The following SH3KBP1 variants were observed in gnomAD, a reference collection of about 807,000 sequenced individuals.
SH3KBP1 encodes SH3 domain-containing kinase-binding protein 1.
SH3KBP1 carries 8 observed loss-of-function variants against 50.1 expected under a neutral mutation model. That is an observed-to-expected ratio of 0.16 (90% CI 0.09 to 0.29). The LOEUF is 0.29. SH3KBP1 is among the 10% of genes least tolerant of loss of function. The pLI is 1.00. For missense variants in SH3KBP1, 377 were observed against 535.2 expected, an observed-to-expected ratio of 0.70 and a Z score of 2.92; for synonymous variants, 227 against 218.6, an observed-to-expected ratio of 1.04 and a Z score of -0.34.
rs1436027085 is a variant in SH3KBP1 at position 19,610,019 on chromosome X, C to T, written c.898-1974G>A. 2.7e-5 allele frequency among the ~76,000 whole-genome samples: 3 copies of T among 111,320 alleles called. No homozygotes were observed. The East Asian group carries it at 8.5e-4, about 31-fold the overall frequency. ...TATCTGTTACAAAGATAAGCTGACC[C>T]CTTAGGGTCTTCCTTAGGGAAGAGA... On this transcript the variant is annotated intron_variant, in intron 8 of 17. Transcript: ENST00000397821.
chrX:19,583,125 CATT>C (rs200762944), intron 12 of SH3KBP1, among the ~76,000 whole-genome samples: 6,041 of 95,056 alleles, frequency 0.064, 443 homozygotes, highest in African/African-American at 0.19. Flanking sequence ...TGCTAATACA[CATT>C]ATTATTATTA....
intron 2 of SH3KBP1, among the ~76,000 whole-genome samples, chrX:19,825,664 A>G (rs1249816117): frequency 8.9e-6 from 1 of 111,781 alleles, no homozygotes; most frequent in Non-Finnish European, 1.9e-5. Flanking sequence ...GCTTGAGACC[A>G]GGAATTTGAG....
At chrX:19,722,571 T>G (rs1182196358) in intron 3 of SH3KBP1, among the ~76,000 whole-genome samples, 2 of 21,194 alleles carry the variant, frequency 9.4e-5, no homozygotes, top group African/African-American at 1.7e-4. Flanking sequence ...TGCGCACTGG[T>G]GTGTGTGTGT....
At chrX:19,690,438 G>A (rs1042995197) in intron 5 of SH3KBP1, among the ~76,000 whole-genome samples, 1 of 111,470 alleles carries the variant, frequency 9.0e-6, no homozygotes, top group Non-Finnish European at 1.9e-5. Context: ...TTAGGAAAAT[G>A]AGAAATTCAA....
At chrX:19,837,733 G>A (rs965760617) in intron 1 of SH3KBP1, among the ~76,000 whole-genome samples, 1 of 110,736 alleles carries the variant, frequency 9.0e-6, no homozygotes, top group Admixed American at 9.7e-5. Flanking sequence ...GAGCCACCGT[G>A]CCCAGCCACC....
chrX:19,703,374 A>G (rs2063570345), intron 4 of SH3KBP1, among the ~76,000 whole-genome samples: 1 of 110,694 alleles, frequency 9.0e-6, no homozygotes, highest in Non-Finnish European at 1.9e-5. Flanking sequence ...ACTAAAGAAG[A>G]TAAGGGGTTG....
intron 12 of SH3KBP1, among the ~76,000 whole-genome samples, chrX:19,576,966 G>A (rs991069452): frequency 1.8e-5 from 2 of 112,063 alleles, no homozygotes; most frequent in Non-Finnish European, 3.8e-5. Flanking sequence ...CCCAACATGG[G>A]ATGACTCAGA....
chrX:19,676,356 G>C (rs73459674), intron 6 of SH3KBP1, among the ~76,000 whole-genome samples: 2,465 of 109,816 alleles, frequency 0.022, 79 homozygotes, highest in African/African-American at 0.078. Context: ...CTACCTGGGT[G>C]GGGGCTGGGT....
chrX:19,694,982 T>C, intron 5 of SH3KBP1: 5 of 1,190,533 alleles, frequency 4.2e-6, no homozygotes, highest in Non-Finnish European at 5.7e-6. Context: ...GAACGAAGTT[T>C]CCCGGTCCTG....
At position 19,535,583 on chromosome X, in the gene SH3KBP1, G is replaced by A. The variant is rs1366921598; in HGVS notation, c.*834C>T. ...TAGGAGAAATAGAAAAGTCACAGCT[G>A]GTACCACAGAGCACGCCCAACTTCA... On this transcript the variant is annotated 3_prime_UTR_variant, in exon 18 of 18. Coordinates refer to ENST00000397821, the MANE Select transcript of SH3KBP1 (RefSeq NM_031892.3). The A allele has an allele frequency of 8.9e-6, 1 of 111,941 alleles. No homozygotes were observed. The allele number at this position is 111,941 out of a possible 1,213,427, so 9.2% of individuals were successfully genotyped here. A position where few individuals can be genotyped will look rare whatever the true frequency, so the allele number is the denominator to read the frequency against.
At chrX:19,803,401 GGTCTCGCTAT>G (rs1363410144) in intron 2 of SH3KBP1, among the ~76,000 whole-genome samples, 2 of 111,465 alleles carry the variant, frequency 1.8e-5, no homozygotes. Flanking sequence ...GTAGAGACAA[GGTCTCGCTAT>G]GTTGGCCAGG....
chrX:19,724,070 A>G (rs1218660854), intron 3 of SH3KBP1, among the ~76,000 whole-genome samples: 2 of 111,960 alleles, frequency 1.8e-5, no homozygotes, highest in Non-Finnish European at 3.8e-5. Flanking sequence ...TATTTTTTTA[A>G]AAGAGGGGGT....
At chrX:19,793,481 T>C (rs967837381) in intron 2 of SH3KBP1, among the ~76,000 whole-genome samples, 50 of 110,073 alleles carry the variant, frequency 4.5e-4, no homozygotes, top group African/African-American at 1.6e-3. Flanking sequence ...CCCATCCTCC[T>C]CTATAAACTG....
Position 19,722,819 on chromosome X carries a change from CA to C in SH3KBP1, c.287-15836del, listed in dbSNP as rs200955557. Among the ~76,000 whole-genome samples, 531 of 93,853 alleles carry C rather than the reference CA, an allele frequency of 5.7e-3. 3 individuals are homozygous for C. Among genetic ancestry groups the C allele is most frequent in the Non-Finnish European group, 8.1e-3 (379 of 46,788 alleles). The allele number at this position is 93,853 out of a possible 115,157, so 81.5% of individuals were successfully genotyped here. A position where few individuals can be genotyped will look rare whatever the true frequency, so the allele number is the denominator to read the frequency against. On this transcript the variant is annotated intron_variant, in intron 3 of 17. Coordinates refer to ENST00000397821, the MANE Select transcript of SH3KBP1 (RefSeq NM_031892.3). ...GACCAGAGGCATCTGACCAGTTCTT[CA>C]AAAAAAAAAAAGAAGTCTAAAAAAA...
At chrX:19,876,928 A>G (rs1194274456) in intron 1 of SH3KBP1, among the ~76,000 whole-genome samples, 1 of 111,685 alleles carries the variant, frequency 9.0e-6, no homozygotes, top group Non-Finnish European at 1.9e-5. Context: ...TTTTTCTTCA[A>G]TTGGTGAAAT....
At chrX:19,881,917 T>C (rs761306131) in intron 1 of SH3KBP1, among the ~76,000 whole-genome samples, 9 of 111,266 alleles carry the variant, frequency 8.1e-5, no homozygotes, top group South Asian at 3.8e-4. Flanking sequence ...TACTTCGTGA[T>C]TGGAGAAGGA....
chrX:19,648,969 G>T (rs1167653527), intron 6 of SH3KBP1, among the ~76,000 whole-genome samples: 1 of 111,721 alleles, frequency 9.0e-6, no homozygotes, highest in Admixed American at 9.5e-5. Context: ...CCTCATGAAC[G>T]CAATGTCTAG....
rs1392097592 is a variant in SH3KBP1 at position 19,657,295 on chromosome X, C to T, written c.727-11820G>A. Among the ~76,000 whole-genome samples, 8 of 107,645 alleles carry T rather than the reference C, an allele frequency of 7.4e-5. No homozygotes were observed. In the Admixed American group the frequency reaches 8.0e-4, roughly 11 times the overall value. The allele number at this position is 107,645 out of a possible 115,157, so 93.5% of individuals were successfully genotyped here. A position where few individuals can be genotyped will look rare whatever the true frequency, so the allele number is the denominator to read the frequency against. On this transcript the variant is annotated intron_variant, in intron 6 of 17. Transcript: ENST00000397821. ...ACTTGGAGGGCTGAGGCGGGAAGAT[C>T]GCTTGAGCCAGGAAGTTGAGGTTGC...
chrX:19,744,707 C>T lies in SH3KBP1; in HGVS notation c.286+1611G>A, dbSNP rs144466641. On this transcript the variant is annotated intron_variant, in intron 3 of 17. Transcript: ENST00000397821. ...GAATGTAAGGCAGTAAGCCATCCCTCTGCATTCCAATTTTTGGTGAATGAA... is the reference window on the plus strand; with the variant it reads ...GAATGTAAGGCAGTAAGCCATCCCTTTGCATTCCAATTTTTGGTGAATGAA... 5.1e-3 allele frequency among the ~76,000 whole-genome samples: 574 copies of T among 112,040 alleles called. 1 individual carries two copies. The highest frequency in any genetic ancestry group is 8.9e-3 in the Non-Finnish European group (475 of 53,179).
Sources: allele counts gnomAD v4.1 joint callset (sites outside exome capture counted in the v4.1 genomes callset), GRCh38; gene constraint gnomAD v4.1.1; transcripts MANE v1.5; gene names NCBI Gene and HGNC (gene_info 2026-07-23, HGNC 2026-07-21).